The following MAGI1 variants were observed in gnomAD, a reference collection of about 807,000 sequenced individuals.
The protein encoded by MAGI1 is membrane associated guanylate kinase, WW and PDZ domain containing 1.
A neutral mutation model predicts 139.9 loss-of-function variants in MAGI1; 58 were observed. The observed-to-expected ratio is 0.41, with a 90% confidence interval of 0.34 to 0.52. The LOEUF (loss-of-function observed/expected upper bound fraction) is 0.52. Among genes scored for constraint, MAGI1 ranks in the 20% least tolerant of loss-of-function variants. The pLI, the probability that MAGI1 is intolerant of heterozygous loss-of-function variation, is 0.12. For missense variants in MAGI1, 1,874 were observed against 1,901.6 expected, an observed-to-expected ratio of 0.99 and a Z score of 0.27; for synonymous variants, 812 against 737.9, an observed-to-expected ratio of 1.10 and a Z score of -1.63.
intron 9 of MAGI1, 47 bp downstream of exon 9, chr3:65,439,832 C>A (rs186806770): frequency 1.2e-6 from 2 of 1,604,110 alleles, no homozygotes; most frequent in South Asian, 2.2e-5. Context: ...TCAGATTTCA[C>A]CCCATGCTCC....
intron 12 of MAGI1, chr3:65,401,947 TTTTC>T: frequency 1.0e-6 from 1 of 959,498 alleles, no homozygotes; most frequent in Non-Finnish European, 1.2e-6. Context: ...TTTTTTGGTC[TTTTC>T]TTTTTTTTTC....
intron 2 of MAGI1, among the ~76,000 whole-genome samples, chr3:65,554,455 T>C (rs2079993457): frequency 6.6e-6 from 1 of 152,130 alleles, no homozygotes; most frequent in Non-Finnish European, 1.5e-5. Flanking sequence ...AAGACCTTCT[T>C]ACTTTCTTAC....
chr3:65,788,935 T>C (rs2039571979), intron 1 of MAGI1, among the ~76,000 whole-genome samples: 1 of 152,134 alleles, frequency 6.6e-6, no homozygotes, highest in South Asian at 2.1e-4. Context: ...CCCAGTGTTT[T>C]GGGAGGCCAA....
rs374551761 is a variant in MAGI1, at chr3:65,765,376, G to A, written c.314-143288C>T. 3.6e-4 allele frequency among the ~76,000 whole-genome samples: 55 copies of A among 152,222 alleles called. 2 individuals are homozygous for A. The highest frequency in any genetic ancestry group is 1.8e-3 in the Admixed American group (27 of 15,288). On this transcript the variant is annotated intron_variant, in intron 1 of 22. Coordinates refer to ENST00000402939, the MANE Select transcript of MAGI1 (RefSeq NM_001033057.2). ...CCAAGCATTTGGTTGTGGCACTGGCGGGACAACTATAAAGAAACCAATGTT... is the reference window on the plus strand; with the variant it reads ...CCAAGCATTTGGTTGTGGCACTGGCAGGACAACTATAAAGAAACCAATGTT...
intron 1 of MAGI1, among the ~76,000 whole-genome samples, chr3:65,926,702 T>A (rs1243472658): frequency 6.6e-6 from 1 of 151,948 alleles, no homozygotes; most frequent in Admixed American, 6.6e-5. Flanking sequence ...GCCTATATAG[T>A]CTAAAATGGG....
intron 2 of MAGI1, among the ~76,000 whole-genome samples, chr3:65,590,622 C>T (rs902281630): frequency 2.6e-5 from 4 of 152,302 alleles, no homozygotes; most frequent in Non-Finnish European, 5.9e-5. Flanking sequence ...CCCCATTCGT[C>T]TTTAATTAGC....
chr3:65,566,977 G>A (rs751344449), intron 2 of MAGI1, among the ~76,000 whole-genome samples: 1 of 152,064 alleles, frequency 6.6e-6, no homozygotes, highest in Non-Finnish European at 1.5e-5. Context: ...CATGATAAAA[G>A]TCTACATTTG....
intron 18 of MAGI1, among the ~76,000 whole-genome samples, chr3:65,366,684 T>C (rs571983812): frequency 1.5e-3 from 228 of 152,278 alleles, no homozygotes; most frequent in Non-Finnish European, 2.5e-3. Flanking sequence ...CGTGTGCACA[T>C]TGGGAATAAG....
At chr3:65,426,918 G>T (rs1282726089) in intron 12 of MAGI1, among the ~76,000 whole-genome samples, 2 of 152,066 alleles carry the variant, frequency 1.3e-5, no homozygotes, top group African/African-American at 4.8e-5. Flanking sequence ...GATGAATATG[G>T]CAATATATTC....
At chr3:65,447,780 G>A (rs190039728) in intron 7 of MAGI1, among the ~76,000 whole-genome samples, 7 of 152,286 alleles carry the variant, frequency 4.6e-5, no homozygotes, top group Non-Finnish European at 1.0e-4. Context: ...GCTAACTCTC[G>A]TTCTAGTCTC....
At chr3:65,405,489 C>T (rs4420811) in intron 12 of MAGI1, among the ~76,000 whole-genome samples, 46,061 of 152,046 alleles carry the variant, frequency 0.3, 7,872 homozygotes, top group South Asian at 0.45. Context: ...TGGGATTATG[C>T]GTGGCTTTAT....
intron 5 of MAGI1, among the ~76,000 whole-genome samples, chr3:65,462,512 G>A (rs1949874873): frequency 6.6e-6 from 1 of 152,132 alleles, no homozygotes; most frequent in Non-Finnish European, 1.5e-5. Flanking sequence ...TGCTGTTTCG[G>A]TTACTGTAGC....
intron 2 of MAGI1, among the ~76,000 whole-genome samples, chr3:65,562,633 T>C (rs1435817948): frequency 6.6e-6 from 1 of 152,294 alleles, no homozygotes; most frequent in Non-Finnish European, 1.5e-5. Context: ...GGATTACAAG[T>C]GCAAGCCAAT....
chr3:65,877,684 T>A (rs757368764), intron 1 of MAGI1, among the ~76,000 whole-genome samples: 48 of 152,182 alleles, frequency 3.2e-4, no homozygotes, highest in Non-Finnish European at 4.7e-4. Flanking sequence ...GCCTCCCAAG[T>A]GGCTGGGATT....
At chr3:65,586,279 C>T (rs1462993864) in intron 2 of MAGI1, among the ~76,000 whole-genome samples, 2 of 151,072 alleles carry the variant, frequency 1.3e-5, no homozygotes, top group African/African-American at 2.4e-5. Context: ...AAATCTAATA[C>T]CTTTATACAC....
intron 2 of MAGI1, among the ~76,000 whole-genome samples, chr3:65,499,451 C>T (rs557456513): frequency 7.9e-5 from 12 of 152,208 alleles, no homozygotes; most frequent in African/African-American, 2.9e-4. Flanking sequence ...AGATCGAGAT[C>T]ATCCTGGCTA....
rs1326930939 is a variant in MAGI1 at position 65,726,132 on chromosome 3, CT to C, written c.314-104045del. On this transcript the variant is annotated intron_variant, in intron 1 of 22. Coordinates refer to ENST00000402939, the MANE Select transcript of MAGI1 (RefSeq NM_001033057.2). ...GAATTACTGCTGCATATGAATCAGTCTTTTTTAAAGAAGCTATACAGTATAA... is the reference window on the plus strand; with the variant it reads ...GAATTACTGCTGCATATGAATCAGTCTTTTTAAAGAAGCTATACAGTATAA... 2.0e-5 allele frequency among the ~76,000 whole-genome samples: 3 copies of C among 152,176 alleles called. No homozygotes were observed. In the East Asian group the frequency reaches 5.8e-4, roughly 29 times the overall value.
intron 2 of MAGI1, among the ~76,000 whole-genome samples, chr3:65,504,872 C>G (rs1363399336): frequency 6.6e-6 from 1 of 152,128 alleles, no homozygotes; most frequent in African/African-American, 2.4e-5. Flanking sequence ...GGAACTTTGG[C>G]ACATACAAAC....
At chr3:65,631,001 A>G (rs920219710) in intron 1 of MAGI1, among the ~76,000 whole-genome samples, 21 of 152,250 alleles carry the variant, frequency 1.4e-4, no homozygotes, top group Non-Finnish European at 4.4e-5. Flanking sequence ...CGTGGTCTAA[A>G]TATCAACGTT....
Sources: gnomAD v4.1 joint callset for allele counts (sites outside exome capture counted in the v4.1 genomes callset) on GRCh38, gnomAD v4.1.1 for gene constraint, MANE v1.5 for transcripts, NCBI Gene and HGNC (gene_info 2026-07-23, HGNC 2026-07-21) for gene names.